Variants in HDX observed in about 807,000 individuals in gnomAD.
HDX encodes chromosome X open reading frame 43.
Under a neutral mutation model 45.2 loss-of-function variants are expected in HDX, and 19 were observed. The ratio of observed to expected loss-of-function variants is 0.42; its 90% CI spans 0.29 to 0.62. The LOEUF is 0.62. Ranked by LOEUF, HDX falls within the 20% of genes least tolerant of loss-of-function variation. The pLI is 0.20. For missense variants in HDX, 532 were observed against 493.9 expected (o/e 1.08, Z -0.73); for synonymous variants, 188 against 172.8 (o/e 1.09, Z -0.69).
chrX:84,382,493 C>A (rs998561841), intron 5 of HDX, among the ~76,000 whole-genome samples: 6 of 111,694 alleles, frequency 5.4e-5, no homozygotes, highest in Non-Finnish European at 1.1e-4. Flanking sequence ...TACGTACACA[C>A]AATGAAGTAC....
At chrX:84,381,797 A>C (rs2038194660) in intron 5 of HDX, among the ~76,000 whole-genome samples, 1 of 111,163 alleles carries the variant, frequency 9.0e-6, no homozygotes. Context: ...GCTGGGCAAA[A>C]ATTTCTTGCA....
rs201085804 is a variant in HDX, at chrX:84,321,953, T to A, written c.2009A>T (p.Glu670Val). The A allele has an allele frequency of 2.6e-6, 3 of 1,172,283 alleles. No homozygotes were observed. The change falls in exon 11 of 11, where the codon GAG becomes GTG. Residue 670 changes from glutamate to valine, a missense_variant. Coordinates refer to ENST00000373177, the MANE Select transcript of HDX (RefSeq NM_001177479.2). Reference sequence around the variant, plus strand: ...TACACTGAATGAGGTATCATCAGGCTCCAGTGAGGCATGATTGAAATCCAT... The same window carrying A: ...TACACTGAATGAGGTATCATCAGGCACCAGTGAGGCATGATTGAAATCCAT... Reference protein sequence around the residue: ...EEMDFNHASLEPDDTSFSVSS... With the variant: ...EEMDFNHASLVPDDTSFSVSS...
chrX:84,457,978 T>C (rs1274499993), intron 4 of HDX, among the ~76,000 whole-genome samples: 1 of 112,060 alleles, frequency 8.9e-6, no homozygotes, highest in African/African-American at 3.2e-5. Flanking sequence ...TATCACCTTT[T>C]TCAAATGGAA....
In HDX at chrX:84,447,111, T is replaced by C. The variant is rs899126115; in HGVS notation, c.1252-6526A>G. Reference sequence around the variant, plus strand: ...ACCCTTGGGGAAAGAGATTACTAATTGAGGAATATATAGAGCAGCTAAGGG... The same window carrying C: ...ACCCTTGGGGAAAGAGATTACTAATCGAGGAATATATAGAGCAGCTAAGGG... On this transcript the variant is annotated intron_variant, in intron 4 of 10. Coordinates refer to ENST00000373177, the MANE Select transcript of HDX (RefSeq NM_001177479.2). Among the ~76,000 whole-genome samples the C allele has an allele frequency of 9.0e-5, 10 of 111,179 alleles. No individual in the cohort carries two copies. In the East Asian group the frequency reaches 2.6e-3, roughly 29 times the overall value.
At chrX:84,388,815 G>C (rs980244299) in intron 5 of HDX, among the ~76,000 whole-genome samples, 2 of 112,038 alleles carry the variant, frequency 1.8e-5, no homozygotes, top group African/African-American at 6.5e-5. Context: ...AGTCACTTCA[G>C]ACTGGTTAAG....
intron 5 of HDX, among the ~76,000 whole-genome samples, chrX:84,405,040 G>A (rs911036078): frequency 4.5e-5 from 5 of 110,035 alleles, no homozygotes; most frequent in Non-Finnish European, 9.5e-5. Flanking sequence ...TAATATGAAC[G>A]GAAAAAAGCA....
intron 1 of HDX, among the ~76,000 whole-genome samples, chrX:84,489,556 G>A (rs1411387027): frequency 1.8e-5 from 2 of 111,470 alleles, no homozygotes; most frequent in African/African-American, 6.5e-5. Context: ...GATAGACAAA[G>A]GGAAATCAGT....
intron 5 of HDX, among the ~76,000 whole-genome samples, chrX:84,422,663 GTTT>G (rs779557860): frequency 3.1e-5 from 2 of 64,929 alleles, no homozygotes; most frequent in Admixed American, 2.2e-4. Flanking sequence ...GAAATAAAAG[GTTT>G]TTTTTTTTTT....
chrX:84,331,579 G>A (rs1438059757), intron 9 of HDX, among the ~76,000 whole-genome samples: 4 of 111,277 alleles, frequency 3.6e-5, no homozygotes, highest in African/African-American at 9.8e-5. Flanking sequence ...CTCACAGGAG[G>A]TTTAGGATGA....
chrX:84,380,920 G>A (rs181734813), intron 5 of HDX, among the ~76,000 whole-genome samples: 3 of 110,773 alleles, frequency 2.7e-5, no homozygotes, highest in East Asian at 5.6e-4. Flanking sequence ...AAAGGAAGAC[G>A]TCAAATTATC....
At chrX:84,418,641 C>CA (rs57873517) in intron 5 of HDX, among the ~76,000 whole-genome samples, 7,655 of 109,574 alleles carry the variant, frequency 0.07, 334 homozygotes, top group African/African-American at 0.16. Context: ...GGTTCAAAAA[C>CA]AAAAAAAATA....
At chrX:84,439,793 G>A (rs5923003) in intron 5 of HDX, among the ~76,000 whole-genome samples, 48,119 of 110,183 alleles carry the variant, frequency 0.44, 8,288 homozygotes, top group Middle Eastern at 0.59. Flanking sequence ...TGCTGTGTTC[G>A]TTACTGTAGC....
chrX:84,448,079 C>T (rs1477249085), intron 4 of HDX, among the ~76,000 whole-genome samples: 1 of 111,920 alleles, frequency 8.9e-6, no homozygotes, highest in Non-Finnish European at 1.9e-5. Flanking sequence ...GGCTCAGCTT[C>T]ATCCATCCCA....
chrX:84,472,115 A>AC (rs1036505852), intron 3 of HDX, among the ~76,000 whole-genome samples: 20 of 110,128 alleles, frequency 1.8e-4, no homozygotes, highest in African/African-American at 5.9e-4. Context: ...TAAAAAAAAA[A>AC]ACACACAACG....
intron 4 of HDX, among the ~76,000 whole-genome samples, chrX:84,451,193 C>A (rs2039988582): frequency 1.8e-5 from 2 of 110,253 alleles, no homozygotes; most frequent in South Asian, 7.6e-4. Flanking sequence ...CAGAACTAAA[C>A]AAAATAGACA....
rs146043472 is a variant in HDX, at chrX:84,385,196, C to CTTT, written c.1306-23587_1306-23585dup. On this transcript the variant is annotated intron_variant, in intron 5 of 10. Transcript: ENST00000373177. ...CATATATTTGTGTCATCTCTGATTTCTTTTTTTTTTTTTTTTTTTTTTTTT... is the reference window on the plus strand; with the variant it reads ...CATATATTTGTGTCATCTCTGATTTCTTTTTTTTTTTTTTTTTTTTTTTTTTTT... Among the ~76,000 whole-genome samples the CTTT allele has an allele frequency of 2.0e-4, 6 of 29,536 alleles. 1 individual carries two copies. The highest frequency in any genetic ancestry group is 4.8e-4 in the African/African-American group (3 of 6,284). The allele number at this position is 29,536 out of a possible 115,157, so 25.6% of individuals were successfully genotyped here. A position where few individuals can be genotyped will look rare whatever the true frequency, so the allele number is the denominator to read the frequency against.
At chrX:84,386,292 G>A (rs1229679425) in intron 5 of HDX, among the ~76,000 whole-genome samples, 2 of 110,871 alleles carry the variant, frequency 1.8e-5, no homozygotes, top group Non-Finnish European at 3.8e-5. Context: ...CTATCTTCAT[G>A]AGAATTAGTG....
chrX:84,461,944 A>G (rs952052669), intron 4 of HDX, among the ~76,000 whole-genome samples: 11 of 112,398 alleles, frequency 9.8e-5, no homozygotes, highest in Non-Finnish European at 2.1e-4. Context: ...TCATTGGACA[A>G]TTGCAAATCA....
chrX:84,423,720 C>T (rs753188580), intron 5 of HDX, among the ~76,000 whole-genome samples: 2 of 111,580 alleles, frequency 1.8e-5, no homozygotes, highest in African/African-American at 6.5e-5. Context: ...CCTTTATGAT[C>T]GTTTCAGTTG....
Sources: allele counts gnomAD v4.1 joint callset (sites outside exome capture counted in the v4.1 genomes callset), GRCh38; gene constraint gnomAD v4.1.1; transcripts MANE v1.5; gene names NCBI Gene and HGNC (gene_info 2026-07-23, HGNC 2026-07-21).